Variants in SKIC2 observed in about 807,000 individuals in gnomAD.
SKIC2 encodes SKI2 subunit of superkiller complex, also known as superkiller complex protein 2.
chr6:31,964,434 C>T, the SKIC2 span: 3 of 928,104 alleles, frequency 3.2e-6, no homozygotes, highest in Non-Finnish European at 5.1e-6. The surrounding 1 kb of genome is among the most constrained non-coding windows in gnomAD (Gnocchi z 5.0). Flanking sequence ...TTAGGCAGGC[C>T]AGTGCTGTGG....
chr6:31,969,253 G>A, the SKIC2 span: 1 of 1,613,288 alleles, frequency 6.2e-7, no homozygotes, highest in East Asian at 2.2e-5. The surrounding 1 kb of genome is among the most constrained non-coding windows in gnomAD (Gnocchi z 6.1). Context: ...AGGAAGGCAG[G>A]CCTTAACCTC....
chr6:31,969,527 T>C, the SKIC2 span: 5 of 1,613,196 alleles, frequency 3.1e-6, no homozygotes, highest in Non-Finnish European at 3.4e-6. The surrounding 1 kb of genome is among the most constrained non-coding windows in gnomAD (Gnocchi z 6.1). Context: ...CTTCTCCGAG[T>C]TGGCAGGGCT....
the SKIC2 span, chr6:31,965,905 G>A: frequency 6.2e-7 from 1 of 1,613,070 alleles, no homozygotes; most frequent in East Asian, 2.2e-5. The surrounding 1 kb of genome is among the most constrained non-coding windows in gnomAD (Gnocchi z 5.6). Context: ...GGGAGTATGT[G>A]CAGATGGCAG....
chr6:31,959,850 C>G, the SKIC2 span: 8 of 614,572 alleles, frequency 1.3e-5, no homozygotes, highest in East Asian at 2.2e-4. Flanking sequence ...AAAATCTGCC[C>G]CAGGTAATTC....
At chr6:31,962,175 C>T in the SKIC2 span, 1 of 1,073,672 alleles carries the variant, frequency 9.3e-7, no homozygotes, top group Non-Finnish European at 1.4e-6. This position sits in a 1 kb window ranked among gnomAD's most constrained non-coding sequence, Gnocchi z 5.0. Flanking sequence ...AGGTTCAGGG[C>T]TAAGACTGAG....
At chr6:31,961,809 T>G in the SKIC2 span, 8 of 1,559,290 alleles carry the variant, frequency 5.1e-6, no homozygotes, top group Non-Finnish European at 7.0e-6. Flanking sequence ...CAGCCTCGGC[T>G]GGCTCCGGCC....
At chr6:31,961,148 G>A in the SKIC2 span, 6 of 1,606,320 alleles carry the variant, frequency 3.7e-6, no homozygotes, top group East Asian at 1.3e-4. Context: ...TTCTCCTAAG[G>A]AACAGAGATG....
the SKIC2 span, chr6:31,966,697 A>G: frequency 4.6e-4 from 737 of 1,613,878 alleles, 7 homozygotes; most frequent in African/African-American, 8.3e-3. This position sits in a 1 kb window ranked among gnomAD's most constrained non-coding sequence, Gnocchi z 5.9. Flanking sequence ...GACTTCTGTG[A>G]CCTGACTCCA....
the SKIC2 span, chr6:31,961,138 T>A: frequency 1.9e-6 from 3 of 1,607,174 alleles, no homozygotes; most frequent in Non-Finnish European, 2.6e-6. Flanking sequence ...AGTCATGTCC[T>A]TCTCCTAAGG....
At chr6:31,969,686 G>A in the SKIC2 span, 4 of 1,603,116 alleles carry the variant, frequency 2.5e-6, no homozygotes, top group Non-Finnish European at 3.4e-6. This position sits in a 1 kb window ranked among gnomAD's most constrained non-coding sequence, Gnocchi z 6.1. Flanking sequence ...GCGGGACATC[G>A]TATTTGCGGC....
the SKIC2 span, chr6:31,962,902 C>A: frequency 7.6e-7 from 1 of 1,322,058 alleles, no homozygotes; most frequent in Non-Finnish European, 1.1e-6. The surrounding 1 kb of genome is among the most constrained non-coding windows in gnomAD (Gnocchi z 5.0). Context: ...CTTTCTTTAC[C>A]CCCATATGGA....
the SKIC2 span, chr6:31,968,605 T>G: frequency 7.9e-5 from 122 of 1,552,148 alleles, no homozygotes; most frequent in Non-Finnish European, 1.1e-4. The surrounding 1 kb of genome is among the most constrained non-coding windows in gnomAD (Gnocchi z 6.1). Flanking sequence ...CCCTGTAGAC[T>G]GACCGCCCCC....
At chr6:31,964,134 G>C in the SKIC2 span, 1 of 1,606,266 alleles carries the variant, frequency 6.2e-7, no homozygotes. The surrounding 1 kb of genome is among the most constrained non-coding windows in gnomAD (Gnocchi z 5.0). Context: ...AGGTGCGTCT[G>C]TGTGCGTCTG....
At chr6:31,962,903 C>T in the SKIC2 span, 3 of 1,328,730 alleles carry the variant, frequency 2.3e-6, no homozygotes, top group South Asian at 3.6e-5. The surrounding 1 kb of genome is among the most constrained non-coding windows in gnomAD (Gnocchi z 5.0). Context: ...TTTCTTTACC[C>T]CCATATGGAA....
At chr6:31,968,613 C>G in the SKIC2 span, 1 of 1,546,298 alleles carries the variant, frequency 6.5e-7, no homozygotes, top group Non-Finnish European at 8.9e-7. This position sits in a 1 kb window ranked among gnomAD's most constrained non-coding sequence, Gnocchi z 6.1. Flanking sequence ...ACTGACCGCC[C>G]CCATCTCAGC....
chr6:31,962,539 C>G, the SKIC2 span: 2 of 1,614,034 alleles, frequency 1.2e-6, no homozygotes, highest in Non-Finnish European at 1.7e-6. The surrounding 1 kb of genome is among the most constrained non-coding windows in gnomAD (Gnocchi z 5.0). Flanking sequence ...GGATGTACAG[C>G]TGCATCCGGA....
At chr6:31,959,712 T>A in the SKIC2 span, 3 of 549,568 alleles carry the variant, frequency 5.5e-6, no homozygotes, top group East Asian at 6.1e-5. Flanking sequence ...CTCCAACCTT[T>A]CATCCTTAGG....
chr6:31,968,142 A>G, the SKIC2 span: 253 of 1,604,076 alleles, frequency 1.6e-4, 1 homozygote, highest in East Asian at 5.6e-3. This position sits in a 1 kb window ranked among gnomAD's most constrained non-coding sequence, Gnocchi z 6.1. Context: ...AGGGAGGGGC[A>G]GTGGTCTGGG....
the SKIC2 span, chr6:31,965,956 T>C: frequency 1.4e-5 from 23 of 1,612,138 alleles, no homozygotes; most frequent in Non-Finnish European, 1.9e-5. The surrounding 1 kb of genome is among the most constrained non-coding windows in gnomAD (Gnocchi z 5.6). Flanking sequence ...CAGGCACCGT[T>C]ATCCTGCTCT....
Sources: allele counts gnomAD v4.1 joint callset, GRCh38; gene constraint gnomAD v4.1.1; non-coding constraint Gnocchi (gnomAD v3.1); transcripts MANE v1.5; gene names NCBI Gene and HGNC (gene_info 2026-07-23, HGNC 2026-07-21).